The following MTMR3 variants were observed in gnomAD, a reference collection of about 807,000 sequenced individuals.
The protein encoded by MTMR3 is phosphatidylinositol-3,5-bisphosphate 3-phosphatase MTMR3.
MTMR3 carries 32 observed loss-of-function variants against 132.4 expected under a neutral mutation model. That is an observed-to-expected ratio of 0.24 (90% CI 0.18 to 0.32). The LOEUF (loss-of-function observed/expected upper bound fraction) is 0.32, where lower values mean the gene tolerates loss of function less well. MTMR3 is among the 10% of genes least tolerant of loss of function. The probability of loss-of-function intolerance (pLI) is 1.00; values close to 1 mark genes in which losing one functional copy is unlikely to be tolerated. For missense variants in MTMR3, 1,216 were observed against 1,489.6 expected, an observed-to-expected ratio of 0.82 and a Z score of 3.02; for synonymous variants, 556 against 550.3, an observed-to-expected ratio of 1.01 and a Z score of -0.14.
chr22:29,944,446 G>T (rs1248801823), intron 1 of MTMR3, among the ~76,000 whole-genome samples: 1 of 151,810 alleles, frequency 6.6e-6, no homozygotes, highest in Non-Finnish European at 1.5e-5. Flanking sequence ...TGATAATAGG[G>T]GAAAAAGTCA....
chr22:29,995,916 A>T (rs2067051013), intron 7 of MTMR3: 1 of 152,278 alleles, frequency 6.6e-6, no homozygotes, highest in African/African-American at 2.4e-5. Flanking sequence ...CATGAAATCT[A>T]ATTTTAAAGA....
intron 7 of MTMR3, chr22:29,991,975 G>C (rs369164379): frequency 6.5e-4 from 141 of 217,056 alleles, no homozygotes; most frequent in African/African-American, 2.9e-3. Flanking sequence ...TACATGTGTG[G>C]GAAGACTTCA....
intron 5 of MTMR3, chr22:29,984,437 CTG>C (rs772550080): frequency 2.0e-5 from 3 of 152,200 alleles, no homozygotes; most frequent in Admixed American, 1.3e-4. Flanking sequence ...CTGTGCATGT[CTG>C]TATGTCTGTT....
intron 2 of MTMR3, among the ~76,000 whole-genome samples, chr22:29,965,516 C>T (rs2066397607): frequency 6.6e-6 from 1 of 152,100 alleles, no homozygotes; most frequent in African/African-American, 2.4e-5. Context: ...GAAACCCTGT[C>T]TCTACTAAAA....
At chr22:29,885,034 C>T (rs1251250499) in intron 1 of MTMR3, among the ~76,000 whole-genome samples, 1 of 152,110 alleles carries the variant, frequency 6.6e-6, no homozygotes, top group Non-Finnish European at 1.5e-5. Flanking sequence ...GGTACAGCCC[C>T]GCTTGTCGTT....
At chr22:29,919,230 C>T (rs180861830) in intron 1 of MTMR3, among the ~76,000 whole-genome samples, 66 of 152,104 alleles carry the variant, frequency 4.3e-4, no homozygotes, top group African/African-American at 1.5e-3. Flanking sequence ...AAAAAGTTTT[C>T]TCTAGGTCTC....
At chr22:29,953,157 A>AAT (rs1336866194) in intron 1 of MTMR3, among the ~76,000 whole-genome samples, 2 of 152,204 alleles carry the variant, frequency 1.3e-5, no homozygotes, top group Non-Finnish European at 2.9e-5. Context: ...TTTGACTCTT[A>AAT]ATTATCGTTC....
At chr22:29,904,279 G>C (rs73396823) in intron 1 of MTMR3, among the ~76,000 whole-genome samples, 2 of 152,174 alleles carry the variant, frequency 1.3e-5, no homozygotes, top group African/African-American at 4.8e-5. Flanking sequence ...ACGGCAGGCT[G>C]TATATTGTTA....
At chr22:30,022,730 T>C (rs1265914535) in intron 19 of MTMR3, 33 bp downstream of exon 19, 1 of 1,577,494 alleles carries the variant, frequency 6.3e-7, no homozygotes, top group Non-Finnish European at 8.6e-7. Context: ...GGGTGGGCTG[T>C]GTGTGGAGGT....
intron 19 of MTMR3, chr22:30,025,340 C>T (rs2067888039): frequency 4.7e-6 from 2 of 427,020 alleles, no homozygotes; most frequent in African/African-American, 2.0e-5. Context: ...TGTATTCTTA[C>T]AGATCTCTCT....
chr22:29,915,198 C>G (rs554855124), intron 1 of MTMR3, among the ~76,000 whole-genome samples: 1 of 152,266 alleles, frequency 6.6e-6, no homozygotes, highest in African/African-American at 2.4e-5. Context: ...TCAGTAAATT[C>G]ATTCTTTTAT....
chr22:30,020,943 G>T lies in MTMR3; in HGVS notation c.3225+59G>T. On this transcript the variant is annotated intron_variant, in intron 17 of 19. Coordinates refer to ENST00000401950, the MANE Select transcript of MTMR3 (RefSeq NM_021090.4). ...CAAGGAGACGGCATGCTGAGGCTGG[G>T]TGCCCTTTGTGCCCAGTGCATGGTG... is the stretch of plus-strand genomic sequence containing the variant. The T allele has an allele frequency of 2.1e-6, 3 of 1,453,040 alleles. No homozygotes were observed. The South Asian group carries it at 4.0e-5, about 20-fold the overall frequency. 90.0% of individuals were successfully genotyped at this position (1,453,040 alleles called of 1,614,324 possible).
At chr22:30,002,068 G>A (rs1262338551) in intron 8 of MTMR3, 1 of 152,140 alleles carries the variant, frequency 6.6e-6, no homozygotes, top group African/African-American at 2.4e-5. Flanking sequence ...AAAGAAGATT[G>A]GATTATCCAG....
chr22:29,931,029 A>G (rs552871113), intron 1 of MTMR3, among the ~76,000 whole-genome samples: 2 of 150,704 alleles, frequency 1.3e-5, no homozygotes, highest in Admixed American at 1.3e-4. Context: ...AAAAAAAAAA[A>G]AAACTTAAAA....
At chr22:29,969,825 C>T (rs1024817648) in intron 2 of MTMR3, among the ~76,000 whole-genome samples, 2 of 152,184 alleles carry the variant, frequency 1.3e-5, no homozygotes, top group African/African-American at 2.4e-5. Flanking sequence ...CCACCACACC[C>T]GGCCAAAATG....
chr22:29,988,556 TTATCAGG>T lies in MTMR3; in HGVS notation c.291_293+4del. The T allele has an allele frequency of 6.2e-7, 1 of 1,610,078 alleles. No individual in the cohort carries two copies. The highest frequency in any genetic ancestry group is 8.5e-7 in the Non-Finnish European group (1 of 1,176,954). ...CATTTGACTTGCAAAGACTGCAAAG[TTATCAGG>T]TATGTGGTATGGTATGTTTGTGTTG... On this transcript the variant is annotated splice_donor_variant and coding_sequence_variant, in exon 6 of 20. Coordinates refer to ENST00000401950, the MANE Select transcript of MTMR3 (RefSeq NM_021090.4). LOFTEE classifies it high-confidence loss of function.
chr22:29,993,049 C>CCTGA (rs1338664460), intron 7 of MTMR3: 1 of 152,174 alleles, frequency 6.6e-6, no homozygotes, highest in Non-Finnish European at 1.5e-5. Flanking sequence ...GTTATTCAGA[C>CCTGA]CTGACCATGG....
intron 1 of MTMR3, among the ~76,000 whole-genome samples, chr22:29,936,277 T>C (rs2065748502): frequency 6.6e-6 from 1 of 152,230 alleles, no homozygotes; most frequent in African/African-American, 2.4e-5. Context: ...TATTTGGTTA[T>C]GCTTGGGAAC....
At chr22:29,911,914 T>C (rs2065220739) in intron 1 of MTMR3, among the ~76,000 whole-genome samples, 1 of 152,182 alleles carries the variant, frequency 6.6e-6, no homozygotes, top group African/African-American at 2.4e-5. Context: ...ATAAGTACAA[T>C]AGCAAAGATA....
Sources: gnomAD v4.1 joint callset for allele counts (sites outside exome capture counted in the v4.1 genomes callset) on GRCh38, gnomAD v4.1.1 for gene constraint, MANE v1.5 for transcripts, NCBI Gene and HGNC (gene_info 2026-07-23, HGNC 2026-07-21) for gene names.